The following KDM4B variants were observed in gnomAD, a reference collection of about 807,000 sequenced individuals.
KDM4B encodes the protein lysine demethylase 4B, also known as lysine-specific demethylase 4B.
In KDM4B, 32 loss-of-function variants were observed where a neutral mutation model predicts 125.2. The observed-to-expected ratio is 0.26, with a 90% CI of 0.19 to 0.34. KDM4B has a LOEUF of 0.34. KDM4B is among the 10% of genes least tolerant of loss of function. The pLI is 1.00. For missense variants in KDM4B, 1,190 were observed against 1,577.7 expected, an observed-to-expected ratio of 0.75 and a Z score of 4.16; for synonymous variants, 721 against 677.9, an observed-to-expected ratio of 1.06 and a Z score of -0.99.
intron 1 of KDM4B, among the ~76,000 whole-genome samples, chr19:5,006,107 G>A (rs1298291558): frequency 1.3e-5 from 2 of 152,076 alleles, no homozygotes; most frequent in Non-Finnish European, 2.9e-5. Context: ...GGTGGCGGCG[G>A]CAGGGAGCCA....
chr19:5,047,373 G>A, intron 5 of KDM4B, 103 bp from the exon 6 acceptor site: 2 of 1,099,654 alleles, frequency 1.8e-6, no homozygotes, highest in Non-Finnish European at 2.6e-6. Flanking sequence ...GAGGAGGATG[G>A]GCAGCGACCC....
intron 3 of KDM4B, among the ~76,000 whole-genome samples, chr19:5,033,930 A>G (rs1005608764): frequency 4.6e-5 from 7 of 152,194 alleles, no homozygotes; most frequent in Admixed American, 2.0e-4. Context: ...CAGGAGTTCA[A>G]GACCAAGCTG....
At chr19:4,979,848 A>G (rs1002056639) in intron 1 of KDM4B, among the ~76,000 whole-genome samples, 1 of 152,222 alleles carries the variant, frequency 6.6e-6, no homozygotes, top group African/African-American at 2.4e-5. Flanking sequence ...CATGCCTGCA[A>G]TCCTAGCACT....
At chr19:5,130,931 T>C in intron 11 of KDM4B, 145 bp from the exon 12 acceptor site, 1 of 623,058 alleles carries the variant, frequency 1.6e-6, no homozygotes, top group Non-Finnish European at 2.7e-6. Flanking sequence ...AAGCCTGTGT[T>C]CTCTGCCCAC....
intron 1 of KDM4B, among the ~76,000 whole-genome samples, chr19:4,970,753 G>A (rs546262875): frequency 2.0e-5 from 2 of 100,346 alleles, no homozygotes; most frequent in Non-Finnish European, 5.1e-5. Context: ...GAAGCAGTGG[G>A]CATCCTCTCT....
intron 1 of KDM4B, among the ~76,000 whole-genome samples, chr19:5,010,799 C>T (rs536933561): frequency 6.6e-6 from 1 of 152,180 alleles, no homozygotes; most frequent in Non-Finnish European, 1.5e-5. Context: ...AGGTGCCCAC[C>T]ATCACACCTG....
At chr19:5,005,055 C>T (rs1344093711) in intron 1 of KDM4B, among the ~76,000 whole-genome samples, 7 of 152,316 alleles carry the variant, frequency 4.6e-5, no homozygotes, top group South Asian at 2.1e-4. Context: ...CTGTGTGTGC[C>T]GGCCTGTCCT....
intron 1 of KDM4B, among the ~76,000 whole-genome samples, chr19:4,976,346 C>T (rs4807674): frequency 0.27 from 40,803 of 151,574 alleles, 6,473 homozygotes; most frequent in East Asian, 0.69. Flanking sequence ...CAGACAGCCT[C>T]ACCATAAAGG....
rs148554636 is a variant in KDM4B, at chr19:5,066,582, C to G, written c.627-4428C>G. Among the ~76,000 whole-genome samples the G allele has an allele frequency of 3.9e-3, 598 of 152,362 alleles. 2 individuals are homozygous for G. Among genetic ancestry groups the G allele is most frequent in the Non-Finnish European group, 5.3e-3 (361 of 68,036 alleles). ...TCTCTCCCATTGTTTTATTTTCTCA[C>G]CCACGCTGCTTTGGCTTGCACATGA... On this transcript the variant is annotated intron_variant, in intron 6 of 22. Coordinates refer to ENST00000159111, the MANE Select transcript of KDM4B (RefSeq NM_015015.3).
Position 5,071,135 on chromosome 19 carries a change from C to T in KDM4B, c.676+76C>T, listed in dbSNP as rs111912013. 1.3e-3 allele frequency: 1,788 copies of T among 1,392,306 alleles called. 29 individuals carry two copies. The highest frequency in any genetic ancestry group is 0.012 in the South Asian group (983 of 83,724). 86.2% of individuals were successfully genotyped at this position (1,392,306 alleles called of 1,614,324 possible). ...CCTGTGGGTGGGGAAGGGCAGCTGG[C>T]GTCCCCCGGGCTCTGCTGCGGTCTG... On this transcript the variant is annotated intron_variant, in intron 7 of 22. Coordinates refer to ENST00000159111, the MANE Select transcript of KDM4B (RefSeq NM_015015.3).
chr19:5,072,378 C>A (rs2037976749), intron 7 of KDM4B, among the ~76,000 whole-genome samples: 1 of 152,152 alleles, frequency 6.6e-6, no homozygotes, highest in Non-Finnish European at 1.5e-5. Context: ...CCTCTCCTGG[C>A]ATGTGCTCTC....
At chr19:5,044,735 C>T (rs1272642049) in intron 5 of KDM4B, among the ~76,000 whole-genome samples, 1 of 151,964 alleles carries the variant, frequency 6.6e-6, no homozygotes, top group Non-Finnish European at 1.5e-5. Context: ...CCCTGAGCTC[C>T]CCCTCGTCAT....
chr19:5,013,768 C>A (rs2035802945), intron 1 of KDM4B, among the ~76,000 whole-genome samples: 1 of 152,346 alleles, frequency 6.6e-6, no homozygotes, highest in East Asian at 1.9e-4. Flanking sequence ...GCCCCTGTTG[C>A]CATGGAAGGT....
intron 1 of KDM4B, among the ~76,000 whole-genome samples, chr19:4,976,154 C>T (rs1179638216): frequency 7.1e-6 from 1 of 140,508 alleles, no homozygotes; most frequent in Non-Finnish European, 1.5e-5. Flanking sequence ...GAGGCTGAGG[C>T]AGGAGAATCG....
At chr19:5,151,190 A>C (rs2039940829) in intron 22 of KDM4B, 145 bp from the exon 23 acceptor site, 2 of 690,624 alleles carry the variant, frequency 2.9e-6, no homozygotes, top group South Asian at 9.8e-5. Flanking sequence ...GGGTTTACAA[A>C]CACGAAAACA....
rs76966152 is a variant in KDM4B, at chr19:5,144,265, C to A, written c.2754C>A (p.Ala918=). 1 of 1,598,378 alleles carries A rather than the reference C, an allele frequency of 6.3e-7. No homozygotes were observed. Among genetic ancestry groups the A allele is most frequent in the Non-Finnish European group, 8.5e-7 (1 of 1,173,298 alleles). The stretch of plus-strand genomic sequence containing the variant: ...CCTCCCAGGTCCAACTCCTGAGGGC[C>A]GTGTCCCTAGGCCAGGTGGTCATCA... ...SGGHAVQLLR[A]VSLGQVVITK... Residue 918 remains alanine (A), a synonymous_variant, in exon 20 of 23, where the codon GCC becomes GCA. Transcript: ENST00000159111.
At chr19:5,060,938 G>A (rs1199973011) in intron 6 of KDM4B, among the ~76,000 whole-genome samples, 1 of 152,232 alleles carries the variant, frequency 6.6e-6, no homozygotes, top group Non-Finnish European at 1.5e-5. Context: ...TCAGGGCTGG[G>A]GATCAGATGC....
rs2039324585 is a variant in KDM4B, at chr19:5,119,704, G to C, written c.1167G>C (p.Lys389Asn). 9.6e-6 allele frequency: 15 copies of C among 1,554,516 alleles called. No homozygotes were observed. The highest frequency in any genetic ancestry group is 1.3e-5 in the Non-Finnish European group (15 of 1,148,722). Residue 389 changes from lysine to asparagine, a missense_variant, in exon 11 of 23, where the codon AAG becomes AAC. This residue lies in a region of KDM4B where 428 missense variants were observed against 405.1 expected (regional missense o/e 1.06). Coordinates refer to ENST00000159111, the MANE Select transcript of KDM4B (RefSeq NM_015015.3). ...QPKKPKPEDPKFPGEGTAGAA... is the reference protein window; with the variant it reads ...QPKKPKPEDPNFPGEGTAGAA... Reference sequence around the variant, plus strand: ...AGAAGCCGAAGCCCGAAGACCCCAAGTTCCCTGGGGAGGGTACGGCTGGGG... The same window carrying C: ...AGAAGCCGAAGCCCGAAGACCCCAACTTCCCTGGGGAGGGTACGGCTGGGG...
At chr19:4,994,872 G>T (rs988698689) in intron 1 of KDM4B, among the ~76,000 whole-genome samples, 1 of 152,016 alleles carries the variant, frequency 6.6e-6, no homozygotes, top group East Asian at 1.9e-4. Context: ...TATTTTCTTA[G>T]TAGTTGCTGT....
Sources: allele counts gnomAD v4.1 joint callset (sites outside exome capture counted in the v4.1 genomes callset), GRCh38; gene constraint gnomAD v4.1.1; regional missense constraint gnomAD v4.1.1; transcripts MANE v1.5; gene names NCBI Gene and HGNC (gene_info 2026-07-23, HGNC 2026-07-21).